The following SEMA5A variants were observed in gnomAD, a reference collection of about 807,000 sequenced individuals.
SEMA5A encodes the protein semaphorin 5A.
In SEMA5A, 55 loss-of-function variants were observed where a neutral mutation model predicts 135.5. The ratio of observed to expected loss-of-function variants is 0.41; its 90% CI spans 0.33 to 0.51. The LOEUF is 0.51. Ranked by LOEUF, SEMA5A falls within the 20% of genes least tolerant of loss-of-function variation. The pLI, the probability that SEMA5A is intolerant of heterozygous loss-of-function variation, is 0.37. For synonymous variants in SEMA5A, 580 were observed against 546.5 expected (o/e 1.06, Z -0.85); for missense variants, 1,290 against 1,419.9 (o/e 0.91, Z 1.47).
chr5:9,395,482 TCA>T (rs1756350268), intron 2 of SEMA5A, among the ~76,000 whole-genome samples: 1 of 152,162 alleles, frequency 6.6e-6, no homozygotes, highest in African/African-American at 2.4e-5. Context: ...CTTGCTAGAC[TCA>T]GTTTACCTGG....
chr5:9,427,172 A>G (rs1184526513), intron 2 of SEMA5A, among the ~76,000 whole-genome samples: 2 of 152,082 alleles, frequency 1.3e-5, no homozygotes, highest in African/African-American at 4.8e-5. Context: ...TTAGCCAGGC[A>G]TGGTGGCAGG....
At chr5:9,219,023 T>C (rs1323102096) in intron 8 of SEMA5A, among the ~76,000 whole-genome samples, 1 of 152,250 alleles carries the variant, frequency 6.6e-6, no homozygotes, top group Admixed American at 6.5e-5. Context: ...ATTCTCACAA[T>C]GTCCAGGTCA....
chr5:9,167,981 C>A (rs961715055), intron 11 of SEMA5A, among the ~76,000 whole-genome samples: 1 of 152,060 alleles, frequency 6.6e-6, no homozygotes, highest in East Asian at 1.9e-4. Flanking sequence ...TGGTTATTGC[C>A]AAGAAATAGC....
chr5:9,512,250 G>A (rs1736247595), intron 1 of SEMA5A, among the ~76,000 whole-genome samples: 1 of 152,196 alleles, frequency 6.6e-6, no homozygotes, highest in African/African-American at 2.4e-5. Context: ...ACTTTTGTAT[G>A]ACTTTAGCAA....
chr5:9,512,870 G>T (rs1419839681), intron 1 of SEMA5A, among the ~76,000 whole-genome samples: 2 of 151,794 alleles, frequency 1.3e-5, no homozygotes, highest in Non-Finnish European at 2.9e-5. Flanking sequence ...GAACAAATAC[G>T]CTCCCCTGCA....
At chr5:9,395,284 G>A (rs1756339639) in intron 2 of SEMA5A, among the ~76,000 whole-genome samples, 1 of 152,144 alleles carries the variant, frequency 6.6e-6, no homozygotes, top group African/African-American at 2.4e-5. Flanking sequence ...AATGGGAGGT[G>A]TGAAGATATA....
intron 13 of SEMA5A, among the ~76,000 whole-genome samples, chr5:9,129,038 T>G (rs1741264380): frequency 6.6e-6 from 1 of 152,246 alleles, no homozygotes; most frequent in African/African-American, 2.4e-5. Flanking sequence ...TCATTTTCTT[T>G]TGGCCTAGCA....
chr5:9,298,627 C>A (rs1048332211), intron 5 of SEMA5A, among the ~76,000 whole-genome samples: 4 of 152,174 alleles, frequency 2.6e-5, no homozygotes, highest in Non-Finnish European at 4.4e-5. Flanking sequence ...GGTTAAGTTT[C>A]TAGTGCTGTA....
intron 2 of SEMA5A, among the ~76,000 whole-genome samples, chr5:9,387,973 T>C (rs977105079): frequency 3.9e-5 from 6 of 152,228 alleles, no homozygotes; most frequent in Non-Finnish European, 8.8e-5. Flanking sequence ...AAGTTTCAGC[T>C]GAAAGAAGTT....
chr5:9,503,018 T>A (rs530650564), intron 1 of SEMA5A, among the ~76,000 whole-genome samples: 22 of 152,288 alleles, frequency 1.4e-4, no homozygotes, highest in Admixed American at 1.3e-3. Context: ...CATTTTGCAC[T>A]GTGTCCAAAT....
At chr5:9,449,181 T>C (rs776575172) in intron 1 of SEMA5A, among the ~76,000 whole-genome samples, 9 of 152,082 alleles carry the variant, frequency 5.9e-5, no homozygotes, top group Admixed American at 1.3e-4. Flanking sequence ...TGCCCATCAG[T>C]GATAGACTAG....
intron 2 of SEMA5A, among the ~76,000 whole-genome samples, chr5:9,424,844 T>C (rs995357281): frequency 2.0e-5 from 3 of 152,168 alleles, no homozygotes; most frequent in African/African-American, 7.2e-5. Context: ...CTAACAACCC[T>C]GTAGTCTGTG....
intron 2 of SEMA5A, among the ~76,000 whole-genome samples, chr5:9,423,595 ATT>A (rs1757546421): frequency 6.6e-6 from 1 of 152,234 alleles, no homozygotes; most frequent in Non-Finnish European, 1.5e-5. Context: ...TATGCTTTAC[ATT>A]AATAGGCCAA....
At chr5:9,080,186 G>A (rs1738296664) in intron 16 of SEMA5A, among the ~76,000 whole-genome samples, 1 of 152,096 alleles carries the variant, frequency 6.6e-6, no homozygotes. Flanking sequence ...TAAAAAATGT[G>A]GCACATATAC....
intron 4 of SEMA5A, among the ~76,000 whole-genome samples, chr5:9,328,359 A>G (rs1752969496): frequency 6.6e-6 from 1 of 152,234 alleles, no homozygotes; most frequent in African/African-American, 2.4e-5. Context: ...AATATGGTGG[A>G]CGTATCTTCC....
At chr5:9,051,785 A>T in intron 20 of SEMA5A, 88 bp downstream of exon 20, 1 of 1,531,878 alleles carries the variant, frequency 6.5e-7, no homozygotes, top group Non-Finnish European at 9.0e-7. Context: ...TCACCAAATA[A>T]GCCAAATAAA....
chr5:9,367,834 G>A (rs1294206304), intron 3 of SEMA5A, among the ~76,000 whole-genome samples: 2 of 152,152 alleles, frequency 1.3e-5, no homozygotes, highest in Admixed American at 6.5e-5. Context: ...CCTCTTTGCC[G>A]AAATGAGTTC....
At chr5:9,456,728 T>G (rs781542491) in intron 1 of SEMA5A, among the ~76,000 whole-genome samples, 3 of 152,098 alleles carry the variant, frequency 2.0e-5, no homozygotes, top group Non-Finnish European at 4.4e-5. Flanking sequence ...ACATTGTGAT[T>G]CAAGGCAAGG....
intron 1 of SEMA5A, among the ~76,000 whole-genome samples, chr5:9,454,191 G>A (rs1046764482): frequency 6.6e-6 from 1 of 152,212 alleles, no homozygotes; most frequent in Non-Finnish European, 1.5e-5. Context: ...GGTGGCCAAG[G>A]TCACGTGCTG....
Sources: gnomAD v4.1 joint callset for allele counts (sites outside exome capture counted in the v4.1 genomes callset) on GRCh38, gnomAD v4.1.1 for gene constraint, MANE v1.5 for transcripts, NCBI Gene and HGNC (gene_info 2026-07-23, HGNC 2026-07-21) for gene names.